Variants in DST observed in about 807,000 individuals in gnomAD.
DST encodes bullous pemphigoid antigen.
DST carries 253 observed loss-of-function variants against 875.2 expected under a neutral mutation model. The observed-to-expected ratio is 0.29, with a 90% CI of 0.26 to 0.32. The LOEUF is 0.32. Ranked by LOEUF, DST falls within the 10% of genes least tolerant of loss-of-function variation. The probability of loss-of-function intolerance (pLI) is 1.00; values close to 1 mark genes in which losing one functional copy is unlikely to be tolerated. For synonymous variants in DST, 3,124 were observed against 3,197.1 expected, an observed-to-expected ratio of 0.98 and a Z score of 0.77; for missense variants, 8,287 against 9,111.6, an observed-to-expected ratio of 0.91 and a Z score of 3.68.
Position 56,851,454 on chromosome 6 carries a change from T to C in DST, c.568A>G (p.Lys190Glu). 1.9e-6 allele frequency: 3 copies of C among 1,614,032 alleles called. No individual in the cohort carries two copies. Among genetic ancestry groups the C allele is most frequent in the Non-Finnish European group, 2.5e-6 (3 of 1,179,904 alleles). Residue 190 changes from lysine to glutamate, a missense_variant, in exon 4 of 104, where the codon AAG becomes GAG. Lys to Glu is a moderately conservative substitution (Grantham distance 56). Around this residue, in one of 10 missense-constraint regions of DST, gnomAD observed 1,160 missense variants for 1,424.3 expected, o/e 0.81. Transcript: ENST00000680361. ...NLPKHERSKR[K>E]IQGGSVLDPA... Reference sequence around the variant, plus strand: ...TCCAGCACTGAGCCCCCTTGAATCTTTCTTTTCGATCTCTCATGTTTAGGC... The same window carrying C: ...TCCAGCACTGAGCCCCCTTGAATCTCTCTTTTCGATCTCTCATGTTTAGGC...
chr6:56,680,845 C>T (rs1270880354), intron 9 of DST, among the ~76,000 whole-genome samples: 1 of 152,196 alleles, frequency 6.6e-6, no homozygotes. Context: ...ACCCATCTCC[C>T]TATCATACAC....
At chr6:56,534,826 T>C (rs2096965534) in intron 63 of DST, among the ~76,000 whole-genome samples, 1 of 152,164 alleles carries the variant, frequency 6.6e-6, no homozygotes, top group African/African-American at 2.4e-5. Flanking sequence ...TCACCATTCA[T>C]TTATTTACTT....
At chr6:56,537,770 G>A (rs541983208) in intron 61 of DST, among the ~76,000 whole-genome samples, 22 of 152,232 alleles carry the variant, frequency 1.4e-4, no homozygotes, top group African/African-American at 5.1e-4. Flanking sequence ...ACTGGCAAAG[G>A]ATTTAATGTG....
chr6:56,489,280 A>C (rs993106420), intron 86 of DST, among the ~76,000 whole-genome samples: 7 of 152,210 alleles, frequency 4.6e-5, no homozygotes, highest in African/African-American at 1.2e-4. Context: ...TTAACAATTA[A>C]CCTGGGAATC....
intron 4 of DST, among the ~76,000 whole-genome samples, chr6:56,774,680 G>A (rs1370513662): frequency 6.6e-6 from 1 of 152,088 alleles, no homozygotes; most frequent in Non-Finnish European, 1.5e-5. Context: ...ACTAAATTCT[G>A]TGCTAAAGAT....
At chr6:56,779,237 T>C (rs1471901825) in intron 4 of DST, among the ~76,000 whole-genome samples, 3 of 152,026 alleles carry the variant, frequency 2.0e-5, no homozygotes, top group Non-Finnish European at 2.9e-5. Context: ...GGTTGTTTGT[T>C]TTTTTCCTGT....
chr6:56,694,216 T>TAAAAAAAAAA (rs10660963), intron 9 of DST, among the ~76,000 whole-genome samples: 2 of 138,458 alleles, frequency 1.4e-5, no homozygotes, highest in Non-Finnish European at 3.2e-5. Flanking sequence ...ATAGATATGG[T>TAAAAAAAAAA]AAAAAAAAAA....
At chr6:56,923,998 C>T (rs72881056) in intron 2 of DST, among the ~76,000 whole-genome samples, 1,722 of 152,240 alleles carry the variant, frequency 0.011, 24 homozygotes, top group Non-Finnish European at 0.019. Flanking sequence ...GTGGTACATG[C>T]CTGTAGTCAC....
At chr6:56,868,074 C>T (rs933359991) in intron 3 of DST, among the ~76,000 whole-genome samples, 5 of 152,112 alleles carry the variant, frequency 3.3e-5, no homozygotes, top group African/African-American at 1.2e-4. Context: ...CATTAAATGT[C>T]TGGGTTTTCT....
chr6:56,549,874 T>G (rs1390653915), intron 61 of DST, among the ~76,000 whole-genome samples: 1 of 152,166 alleles, frequency 6.6e-6, no homozygotes, highest in South Asian at 2.1e-4. Context: ...AAATAAAGTT[T>G]ACACGAAGCA....
At chr6:56,730,211 C>G (rs994323711) in intron 5 of DST, among the ~76,000 whole-genome samples, 1 of 152,100 alleles carries the variant, frequency 6.6e-6, no homozygotes, top group African/African-American at 2.4e-5. Context: ...CAATCTTCCC[C>G]TAAAAATCAT....
intron 2 of DST, among the ~76,000 whole-genome samples, chr6:56,901,851 T>C (rs1794280211): frequency 6.6e-6 from 1 of 152,122 alleles, no homozygotes; most frequent in African/African-American, 2.4e-5. Context: ...ATATCAATAA[T>C]TACATAAAAT....
chr6:56,762,222 A>C (rs1405286233), intron 4 of DST, among the ~76,000 whole-genome samples: 1 of 152,110 alleles, frequency 6.6e-6, no homozygotes, highest in Non-Finnish European at 1.5e-5. Flanking sequence ...GGGTTTCTCC[A>C]TGTTGGTCAG....
chr6:56,519,344 A>G (rs1020696920), intron 69 of DST, among the ~76,000 whole-genome samples: 1 of 152,170 alleles, frequency 6.6e-6, no homozygotes, highest in African/African-American at 2.4e-5. Context: ...CACTCATGCC[A>G]AGAAAGGACA....
chr6:56,798,006 G>A (rs749163436), intron 4 of DST, among the ~76,000 whole-genome samples: 1 of 152,136 alleles, frequency 6.6e-6, no homozygotes, highest in Admixed American at 6.6e-5. Flanking sequence ...GCAGAAGAAA[G>A]ATTTGAAGCT....
intron 37 of DST, among the ~76,000 whole-genome samples, chr6:56,613,641 C>T (rs1389356454): frequency 1.3e-5 from 2 of 152,158 alleles, no homozygotes; most frequent in Non-Finnish European, 2.9e-5. Flanking sequence ...AATACAGCAG[C>T]AATCCCACTG....
At chr6:56,822,254 T>C (rs1237908355) in intron 4 of DST, among the ~76,000 whole-genome samples, 1 of 152,110 alleles carries the variant, frequency 6.6e-6, no homozygotes, top group African/African-American at 2.4e-5. Flanking sequence ...GGGAGTGTCA[T>C]CTCTGAGAAA....
rs1291983347 is a variant in DST at position 56,651,036 on chromosome 6, A to C, written c.1328-4T>G. ...TCAGGTGAGGAGACATCGACATCTA[A>C]AAACAGCAACATAAATTAATTATTT... On this transcript the variant is annotated splice_region_variant and splice_polypyrimidine_tract_variant and intron_variant, in intron 11 of 103. Transcript: ENST00000680361. The C allele has an allele frequency of 6.2e-7, 1 of 1,602,700 alleles. No homozygotes were observed. The highest frequency in any genetic ancestry group is 8.5e-7 in the Non-Finnish European group (1 of 1,170,516).
chr6:56,501,788 T>A, intron 78 of DST, 95 bp from the exon 79 acceptor site: 1 of 908,794 alleles, frequency 1.1e-6, no homozygotes, highest in Non-Finnish European at 1.6e-6. Context: ...TAATTCACAC[T>A]ACTTACTGAG....
Sources: gnomAD v4.1 joint callset for allele counts (sites outside exome capture counted in the v4.1 genomes callset) on GRCh38, gnomAD v4.1.1 for gene constraint, gnomAD v4.1.1 regional missense constraint, MANE v1.5 for transcripts, NCBI Gene and HGNC (gene_info 2026-07-23, HGNC 2026-07-21) for gene names.